KDELR1: variants seen among roughly 807,000 people sequenced by gnomAD.
KDELR1 encodes the protein ER lumen protein-retaining receptor 1.
A neutral mutation model predicts 25.5 loss-of-function variants in KDELR1; 16 were observed. The ratio of observed to expected loss-of-function variants is 0.63; its 90% CI spans 0.43 to 0.95. The LOEUF (loss-of-function observed/expected upper bound fraction) is 0.95. Among genes scored for constraint, KDELR1 ranks in the 40% least tolerant of loss-of-function variants. The probability of loss-of-function intolerance (pLI) is 0.00; values close to 1 mark genes in which losing one functional copy is unlikely to be tolerated. For missense variants in KDELR1, 159 were observed against 265.2 expected, an observed-to-expected ratio of 0.60 and a Z score of 2.78; for synonymous variants, 121 against 115.0, an observed-to-expected ratio of 1.05 and a Z score of -0.33.
chr19:48,395,017 C>A (rs2304244), upstream of KDELR1: 38,527 of 152,170 alleles, frequency 0.25, 5,136 homozygotes, highest in African/African-American at 0.34. Context: ...TGGCAAGAAG[C>A]CTCGTGGAGG....
At position 48,384,113 on chromosome 19, in the gene KDELR1, G is replaced by A. The variant is rs571480092; in HGVS notation, c.604+117C>T. ...GGTAGGCCTGCCACCCCAGAAACCCGGCGAAGAAATGCTCCCTTCTTTGCA... is the reference window on the plus strand; with the variant it reads ...GGTAGGCCTGCCACCCCAGAAACCCAGCGAAGAAATGCTCCCTTCTTTGCA... On this transcript the variant is annotated intron_variant, in intron 4 of 4. Coordinates refer to ENST00000330720, the MANE Select transcript of KDELR1 (RefSeq NM_006801.3). The surrounding 1 kb of genome is among the most constrained non-coding windows in gnomAD (Gnocchi z 4.6). 135 of 1,321,946 alleles carry A rather than the reference G, an allele frequency of 1.0e-4. No homozygotes were observed. The highest frequency in any genetic ancestry group is 5.0e-5 in the Non-Finnish European group (48 of 960,840). The allele number at this position is 1,321,946 out of a possible 1,614,324, so 81.9% of individuals were successfully genotyped here. A position where few individuals can be genotyped will look rare whatever the true frequency, so the allele number is the denominator to read the frequency against.
Position 48,384,358 on chromosome 19 carries a change from C to A in KDELR1, c.476G>T (p.Arg159Leu). The A allele has an allele frequency of 6.2e-7, 1 of 1,614,186 alleles. No homozygotes were observed. Among genetic ancestry groups the A allele is most frequent in the Non-Finnish European group, 8.5e-7 (1 of 1,180,036 alleles). The change falls in exon 4 of 5, where the codon CGC (arginine) becomes CTC (leucine). Residue 159 changes from arginine (R) to leucine (L), a missense_variant. Physicochemically the swap from Arg to Leu is moderately radical, Grantham distance 102. Transcript: ENST00000330720. This position sits in a 1 kb window ranked among gnomAD's most constrained non-coding sequence, Gnocchi z 4.6. ...SHYLFALGVY[R>L]TLYLFNWIWR... Reference sequence around the variant, plus strand: ...GATCCAGTTGAAGAGATAGAGCGTGCGGTAAACGCCTAGCGCAAACAAGTA... The same window carrying A: ...GATCCAGTTGAAGAGATAGAGCGTGAGGTAAACGCCTAGCGCAAACAAGTA...
chr19:48,387,071 A>C (rs1970503310), intron 3 of KDELR1, among the ~76,000 whole-genome samples: 2 of 150,808 alleles, frequency 1.3e-5, no homozygotes, highest in Admixed American at 1.3e-4. Flanking sequence ...ACTTAAAAAA[A>C]AAAAAAAAAA....
chr19:48,391,939 C>G (rs138581767), upstream of KDELR1, among the ~76,000 whole-genome samples: 1 of 152,246 alleles, frequency 6.6e-6, no homozygotes, highest in African/African-American at 2.4e-5. Flanking sequence ...CTACTTCCTC[C>G]CCTAGACCCA....
upstream of KDELR1, among the ~76,000 whole-genome samples, chr19:48,395,530 G>A (rs910526246): frequency 1.3e-5 from 2 of 152,020 alleles, no homozygotes; most frequent in East Asian, 1.9e-4. Context: ...GGGAGGAAAC[G>A]GGATGCCGTC....
chr19:48,385,681 G>A (rs1312061953), intron 3 of KDELR1, among the ~76,000 whole-genome samples: 1 of 152,208 alleles, frequency 6.6e-6, no homozygotes. Context: ...ACCTCAGAGA[G>A]CAAAGCCAGG....
At position 48,389,650 on chromosome 19, in the gene KDELR1, G is replaced by A. The variant is rs762702371; in HGVS notation, c.254C>T (p.Thr85Ile). The change falls in exon 3 of 5, where the codon ACT becomes ATT. Residue 85 changes from threonine (T) to isoleucine (I), a missense_variant. Coordinates refer to ENST00000330720, the MANE Select transcript of KDELR1 (RefSeq NM_006801.3). ...GAACGTGTCATGGTTCCCATCGTAA[G>A]TAGCTTTGAACTTGCTATAAATCAA... ...VWLIYSKFKATYDGNHDTFRV... is the reference protein window; with the variant it reads ...VWLIYSKFKAIYDGNHDTFRV... 1 of 1,614,144 alleles carries A rather than the reference G, an allele frequency of 6.2e-7. No homozygotes were observed. The highest frequency in any genetic ancestry group is 8.5e-7 in the Non-Finnish European group (1 of 1,179,988).
In KDELR1 at chr19:48,384,261, G is replaced by C; in HGVS notation, c.573C>G (p.Tyr191Ter). 1 of 1,614,232 alleles carries C rather than the reference G, an allele frequency of 6.2e-7. No homozygotes were observed. Among genetic ancestry groups the C allele is most frequent in the Non-Finnish European group, 8.5e-7 (1 of 1,180,054 alleles). The change falls in exon 4 of 5, where the codon TAC (tyrosine) becomes TAG (stop). Residue 191 changes from tyrosine to a stop codon, truncating the protein, a stop_gained. Coordinates refer to ENST00000330720, the MANE Select transcript of KDELR1 (RefSeq NM_006801.3). LOFTEE classifies it high-confidence loss of function. The surrounding 1 kb of genome is among the most constrained non-coding windows in gnomAD (Gnocchi z 4.6). The stretch of plus-strand genomic sequence containing the variant: ...TGATATAGAGGTAGAAGAAATCGCA[G>C]TAGAGGACTGTCTGGACCAGGCCTG... ...IVAGLVQTVL[Y>*]CDFFYLYITK...
At chr19:48,385,195 A>G (rs117734886) in intron 3 of KDELR1, among the ~76,000 whole-genome samples, 1,524 of 151,704 alleles carry the variant, frequency 0.01, 9 homozygotes, top group Non-Finnish European at 0.017. Context: ...CCCACATGCC[A>G]TTTCTTGTGG....
upstream of KDELR1, among the ~76,000 whole-genome samples, chr19:48,395,737 T>TGG (rs548565107): frequency 6.6e-6 from 1 of 151,312 alleles, no homozygotes. Context: ...CAGAGCTCGG[T>TGG]GGGGGGGCAC....
At position 48,391,302 on chromosome 19, in the gene KDELR1, T is replaced by C. The variant is rs1217104470; in HGVS notation, c.57A>G (p.Leu19=). The C allele has an allele frequency of 1.9e-6, 3 of 1,559,100 alleles. No homozygotes were observed. The highest frequency in any genetic ancestry group is 1.4e-5 in the African/African-American group (1 of 73,434). Residue 19 remains leucine (L), a synonymous_variant, in exon 1 of 5, where the codon CTA becomes CTG. Transcript: ENST00000330720. ...AGCGGGACTTCCAGATTTTGAGCAG[T>C]AGCAAGATGATGGCGAGGAGGTGGG... ...DLSHLLAIIL[L]LLKIWKSRSC... is the part of the protein sequence containing the mutation.
chr19:48,384,670 G>A lies in KDELR1; in HGVS notation c.352-188C>T, dbSNP rs1339731107. 6.6e-6 allele frequency among the ~76,000 whole-genome samples: 1 copy of A among 152,102 alleles called. No individual in the cohort carries two copies. The highest frequency in any genetic ancestry group is 1.5e-5 in the Non-Finnish European group (1 of 68,026). On this transcript the variant is annotated intron_variant, in intron 3 of 4. Transcript: ENST00000330720. This position sits in a 1 kb window ranked among gnomAD's most constrained non-coding sequence, Gnocchi z 4.6. ...GATTTAATCATCACCATGGCCCGGC[G>A]AGGAGATCCTATGATTAGCACACTT...
chr19:48,383,202 A>G lies in KDELR1; in HGVS notation c.*91T>C, dbSNP rs1335082899. On this transcript the variant is annotated 3_prime_UTR_variant, in exon 5 of 5. Coordinates refer to ENST00000330720, the MANE Select transcript of KDELR1 (RefSeq NM_006801.3). The stretch of plus-strand genomic sequence containing the variant: ...GGAGCACAAGAGGTGGGTTCTTAAA[A>G]AAGTCACCCCTGGATGGGAAAGCTC... 2 of 1,398,314 alleles carry G rather than the reference A, an allele frequency of 1.4e-6. No homozygotes were observed. The highest frequency in any genetic ancestry group is 2.0e-6 in the Non-Finnish European group (2 of 1,008,800). 86.6% of individuals were successfully genotyped at this position (1,398,314 alleles called of 1,614,324 possible).
At chr19:48,389,912 T>C (rs276703) in intron 2 of KDELR1, among the ~76,000 whole-genome samples, 3,177 of 17,592 alleles carry the variant, frequency 0.18, 523 homozygotes, top group East Asian at 0.33. Context: ...CTCCCTCAGA[T>C]CCAGGAGTCC....
chr19:48,390,866 T>G (rs1389494280), intron 1 of KDELR1: 1 of 422,082 alleles, frequency 2.4e-6, no homozygotes, highest in Non-Finnish European at 4.4e-6. Context: ...GGACCTGAGG[T>G]GAGGCCTAGG....
upstream of KDELR1, among the ~76,000 whole-genome samples, chr19:48,392,038 C>A (rs1329753423): frequency 3.7e-4 from 53 of 145,148 alleles, no homozygotes; most frequent in East Asian, 6.2e-4. Context: ...GACCCCCAGC[C>A]TCTCCTCCCT....
At chr19:48,390,577 G>GAGAGAGAGAC (rs1555890422) in intron 1 of KDELR1, 53 bp from the exon 2 acceptor site, 5,620 of 972,522 alleles carry the variant, frequency 5.8e-3, no homozygotes, top group East Asian at 0.012. Flanking sequence ...GAGAGAGAGA[G>GAGAGAGAGAC]AGACAGACAG....
At chr19:48,392,239 G>C (rs577787597), upstream of KDELR1, among the ~76,000 whole-genome samples, 1 of 140,132 alleles carries the variant, frequency 7.1e-6, no homozygotes, top group African/African-American at 2.7e-5. Flanking sequence ...AGATCCAGGA[G>C]TCCAGGCCCC....
upstream of KDELR1, among the ~76,000 whole-genome samples, chr19:48,394,254 GATC>G (rs1970604067): frequency 2.0e-5 from 3 of 151,934 alleles, no homozygotes; most frequent in Admixed American, 6.6e-5. This position sits in a 1 kb window ranked among gnomAD's most constrained non-coding sequence, Gnocchi z 5.1. Flanking sequence ...AGGGAAGTGA[GATC>G]GTGCGTGTGT....
Sources: allele counts gnomAD v4.1 joint callset (sites outside exome capture counted in the v4.1 genomes callset), GRCh38; gene constraint gnomAD v4.1.1; non-coding constraint Gnocchi (gnomAD v3.1); transcripts MANE v1.5; gene names NCBI Gene and HGNC (gene_info 2026-07-23, HGNC 2026-07-21).